The following DGKB variants were observed in gnomAD, a reference collection of about 807,000 sequenced individuals.
DGKB encodes diacylglycerol kinase beta, also known as 90 kDa diacylglycerol kinase.
A neutral mutation model predicts 114.3 loss-of-function variants in DGKB; 67 were observed. The observed-to-expected ratio is 0.59, with a 90% CI of 0.48 to 0.72. DGKB has a LOEUF of 0.72. DGKB is among the 30% of genes least tolerant of loss of function. The pLI is 0.00. For synonymous variants in DGKB, 398 were observed against 323.1 expected (o/e 1.23, Z -2.49); for missense variants, 907 against 975.2 (o/e 0.93, Z 0.93).
chr7:14,726,132 T>A (rs906071988), intron 5 of DGKB, among the ~76,000 whole-genome samples: 17 of 151,926 alleles, frequency 1.1e-4, no homozygotes, highest in East Asian at 1.9e-4. Flanking sequence ...ATTTATTTAT[T>A]TTTATTTATT....
rs955210052 is a variant in DGKB at position 14,146,863 on chromosome 7, T to A, written c.*2268A>T. ...CATTATTTCAATCATTGAAATCTTATAAGCAGGTTGTTTAATTTGTCTCAT... is the reference window on the plus strand; with the variant it reads ...CATTATTTCAATCATTGAAATCTTAAAAGCAGGTTGTTTAATTTGTCTCAT... On this transcript the variant is annotated 3_prime_UTR_variant, in exon 26 of 26. Transcript: ENST00000402815. 4.6e-5 allele frequency: 7 copies of A among 152,176 alleles called. No individual in the cohort carries two copies. The highest frequency in any genetic ancestry group is 1.7e-4 in the African/African-American group (7 of 41,460). The allele number at this position is 152,176 out of a possible 1,614,324, so 9.4% of individuals were successfully genotyped here.
intron 13 of DGKB, among the ~76,000 whole-genome samples, chr7:14,656,518 T>C (rs1467457487): frequency 1.3e-5 from 2 of 151,552 alleles, no homozygotes; most frequent in African/African-American, 2.4e-5. Flanking sequence ...CATAGGACAC[T>C]GCATCCTGAA....
At chr7:14,789,639 T>C (rs1047560644) in intron 2 of DGKB, among the ~76,000 whole-genome samples, 5 of 152,116 alleles carry the variant, frequency 3.3e-5, no homozygotes, top group Non-Finnish European at 7.3e-5. Context: ...ACTGAAGCCT[T>C]GACCTCCTGG....
At chr7:14,490,346 C>T (rs1295428225) in intron 20 of DGKB, among the ~76,000 whole-genome samples, 1 of 152,056 alleles carries the variant, frequency 6.6e-6, no homozygotes, top group South Asian at 2.1e-4. Context: ...TTTCTTTATA[C>T]CTGAAAGACA....
chr7:14,344,616 CTT>C (rs1383889232), intron 22 of DGKB, among the ~76,000 whole-genome samples: 4 of 151,412 alleles, frequency 2.6e-5, no homozygotes, highest in Non-Finnish European at 5.9e-5. Context: ...CAAAATATAA[CTT>C]TTCTTTTTTC....
At chr7:14,641,402 T>C (rs978329848) in intron 13 of DGKB, among the ~76,000 whole-genome samples, 1 of 152,130 alleles carries the variant, frequency 6.6e-6, no homozygotes. Flanking sequence ...ATGATCCTTA[T>C]CTTTAACTTG....
intron 1 of DGKB, among the ~76,000 whole-genome samples, chr7:14,880,972 T>C (rs1443063754): frequency 6.6e-6 from 1 of 152,178 alleles, no homozygotes; most frequent in East Asian, 1.9e-4. Flanking sequence ...CAAGTGTCTA[T>C]TTTATTGAAT....
At chr7:14,830,332 C>A (rs952485799) in intron 2 of DGKB, among the ~76,000 whole-genome samples, 3 of 151,442 alleles carry the variant, frequency 2.0e-5, no homozygotes, top group African/African-American at 7.3e-5. Context: ...TCCTTCTAAC[C>A]AAGGCAGAGC....
chr7:14,916,033 T>G (rs1587374010), intron 1 of DGKB, among the ~76,000 whole-genome samples: 1 of 152,186 alleles, frequency 6.6e-6, no homozygotes, highest in East Asian at 1.9e-4. Flanking sequence ...GTAAGATGGA[T>G]GACAACAATG....
In DGKB at chr7:14,760,987, G is replaced by T. The variant is rs1429130281; in HGVS notation, c.71-3256C>A. 2.0e-5 allele frequency among the ~76,000 whole-genome samples: 3 copies of T among 152,208 alleles called. No individual in the cohort carries two copies. The East Asian group carries it at 5.8e-4, about 29-fold the overall frequency. ...ATGACTGCCCTTTCCATGAACTAGG[G>T]CTCAACAATGACTTGGTCTGAGACA... is the stretch of plus-strand genomic sequence containing the variant. On this transcript the variant is annotated intron_variant, in intron 2 of 25. Transcript: ENST00000402815.
chr7:14,667,638 G>A (rs755419414), intron 13 of DGKB, among the ~76,000 whole-genome samples: 25 of 151,970 alleles, frequency 1.6e-4, no homozygotes, highest in Non-Finnish European at 2.5e-4. Context: ...TAAATGAAGG[G>A]CTACAGGTCA....
chr7:14,807,411 AATT>A (rs1842909967), intron 2 of DGKB, among the ~76,000 whole-genome samples: 2 of 152,158 alleles, frequency 1.3e-5, no homozygotes, highest in South Asian at 2.1e-4. Context: ...TATTAAGTAA[AATT>A]ATCATTAGAT....
intron 23 of DGKB, among the ~76,000 whole-genome samples, chr7:14,206,101 A>T (rs1381171619): frequency 2.0e-5 from 3 of 152,078 alleles, no homozygotes; most frequent in African/African-American, 7.2e-5. Flanking sequence ...GGCTTTACTG[A>T]AATGAGCTAT....
intron 23 of DGKB, among the ~76,000 whole-genome samples, chr7:14,245,557 G>A (rs77863679): frequency 0.088 from 13,396 of 152,054 alleles, 822 homozygotes; most frequent in African/African-American, 0.17. Flanking sequence ...TGGTATAATG[G>A]GTAAGAGTGC....
At chr7:14,726,132 T>TTTTA (rs535076773) in intron 5 of DGKB, among the ~76,000 whole-genome samples, 50 of 151,926 alleles carry the variant, frequency 3.3e-4, no homozygotes, top group Admixed American at 7.9e-4. Flanking sequence ...ATTTATTTAT[T>TTTTA]TTTATTTATT....
chr7:14,944,022 T>C (rs1439281299), intron 1 of DGKB, among the ~76,000 whole-genome samples: 2 of 152,030 alleles, frequency 1.3e-5, no homozygotes, highest in East Asian at 3.9e-4. Context: ...CGGAGTTTTC[T>C]GCAAGCTGAT....
At chr7:14,685,947 A>G (rs1016572547) in intron 9 of DGKB, among the ~76,000 whole-genome samples, 2 of 152,320 alleles carry the variant, frequency 1.3e-5, no homozygotes, top group East Asian at 3.9e-4. Flanking sequence ...AATTTATATT[A>G]ATACATTGAG....
At position 14,284,844 on chromosome 7, in the gene DGKB, C is replaced by T. The variant is rs557214884; in HGVS notation, c.2122+53671G>A. Among the ~76,000 whole-genome samples the T allele has an allele frequency of 2.3e-5, 3 of 128,066 alleles. No homozygotes were observed. The East Asian group carries it at 7.1e-4, about 30-fold the overall frequency. The allele number at this position is 128,066 out of a possible 152,430, so 84.0% of individuals were successfully genotyped here. On this transcript the variant is annotated intron_variant, in intron 23 of 25. Coordinates refer to ENST00000402815, the MANE Select transcript of DGKB (RefSeq NM_001350709.2). ...CATGGACACAGGAAGGGGAACATCACACTCTGGGGACTGTTTTGGGGTGGG... is the reference window on the plus strand; with the variant it reads ...CATGGACACAGGAAGGGGAACATCATACTCTGGGGACTGTTTTGGGGTGGG...
At chr7:14,387,273 C>T (rs1158438106) in intron 21 of DGKB, among the ~76,000 whole-genome samples, 1 of 151,574 alleles carries the variant, frequency 6.6e-6, no homozygotes, top group East Asian at 1.9e-4. Flanking sequence ...ATTAGCTGGG[C>T]GAGGTAGCAT....
Sources: gnomAD v4.1 joint callset for allele counts (sites outside exome capture counted in the v4.1 genomes callset) on GRCh38, gnomAD v4.1.1 for gene constraint, MANE v1.5 for transcripts, NCBI Gene and HGNC (gene_info 2026-07-23, HGNC 2026-07-21) for gene names.